The following MYO1B variants were observed in gnomAD, a reference collection of about 807,000 sequenced individuals.
MYO1B encodes the protein unconventional myosin-Ib.
Under a neutral mutation model 159.7 loss-of-function variants are expected in MYO1B, and 72 were observed. That is an observed-to-expected ratio of 0.45 (90% CI 0.37 to 0.55). The LOEUF is 0.55. Ranked by LOEUF, MYO1B falls within the 20% of genes least tolerant of loss-of-function variation. MYO1B has a pLI of 0.00. For synonymous variants in MYO1B, 468 were observed against 473.8 expected, an observed-to-expected ratio of 0.99 and a Z score of 0.16; for missense variants, 1,062 against 1,364.8, an observed-to-expected ratio of 0.78 and a Z score of 3.50.
At chr2:191,417,005 G>A (rs1405003078) in intron 30 of MYO1B, among the ~76,000 whole-genome samples, 1 of 152,224 alleles carries the variant, frequency 6.6e-6, no homozygotes, top group Non-Finnish European at 1.5e-5. Flanking sequence ...CTGAGTTACT[G>A]TGTTGATTAT....
At position 191,359,290 on chromosome 2, in the gene MYO1B, C is replaced by T. The variant is rs1241298568; in HGVS notation, c.563-1341C>T. ...CCTTTTTTCCCTAAGTTATATCCCACTTGTACTTTTCAACCTTTGGGGTTT... is the reference window on the plus strand; with the variant it reads ...CCTTTTTTCCCTAAGTTATATCCCATTTGTACTTTTCAACCTTTGGGGTTT... On this transcript the variant is annotated intron_variant, in intron 7 of 30. Coordinates refer to ENST00000392318, the MANE Select transcript of MYO1B (RefSeq NM_001130158.3). Among the ~76,000 whole-genome samples, 3 of 142,240 alleles carry T rather than the reference C, an allele frequency of 2.1e-5. No homozygotes were observed. In the East Asian group the frequency reaches 6.1e-4, roughly 29 times the overall value. 93.3% of individuals were successfully genotyped at this position (142,240 alleles called of 152,430 possible). A position where few individuals can be genotyped will look rare whatever the true frequency, so the allele number is the denominator to read the frequency against.
intron 20 of MYO1B, 130 bp from the exon 21 acceptor site, chr2:191,396,299 G>A: frequency 1.2e-6 from 1 of 855,982 alleles, no homozygotes; most frequent in Admixed American, 2.2e-5. Context: ...GTTTCTTTAT[G>A]TATTGGTTTC....
chr2:191,364,549 C>A (rs1166157951), intron 11 of MYO1B, among the ~76,000 whole-genome samples: 2 of 152,162 alleles, frequency 1.3e-5, no homozygotes, highest in Non-Finnish European at 2.9e-5. Context: ...CTGAGAGCAA[C>A]AGTAGAGCAG....
rs1574621643 is a variant in MYO1B, at chr2:191,402,777, T to C, written c.2556+59T>C. 8 of 1,299,656 alleles carry C rather than the reference T, an allele frequency of 6.2e-6. No individual in the cohort carries two copies. The East Asian group carries it at 1.9e-4, about 31-fold the overall frequency. 80.5% of individuals were successfully genotyped at this position (1,299,656 alleles called of 1,614,324 possible). ...GAACTTCATAAAGCCTAGCACCTAC[T>C]AACCCTGAGAAAATGATTGATTATG... On this transcript the variant is annotated intron_variant, in intron 24 of 30. Coordinates refer to ENST00000392318, the MANE Select transcript of MYO1B (RefSeq NM_001130158.3).
intron 1 of MYO1B, among the ~76,000 whole-genome samples, chr2:191,260,269 A>ATTTTTTTTTTTTTTTTTTTTTTTTTTTT (rs1574281122): frequency 1.5e-4 from 3 of 19,398 alleles, no homozygotes; most frequent in Admixed American, 1.4e-3. Flanking sequence ...TTTTTTTTTG[A>ATTTTTTTTTTTTTTTTTTTTTTTTTTTT]ATTAAAGCTA....
intron 3 of MYO1B, among the ~76,000 whole-genome samples, chr2:191,313,954 G>A (rs577084924): frequency 1.1e-4 from 17 of 152,212 alleles, no homozygotes; most frequent in Non-Finnish European, 2.1e-4. Flanking sequence ...TGCCCGGGAA[G>A]GGAGAATGGA....
At chr2:191,408,290 G>A in intron 25 of MYO1B, 101 bp downstream of exon 25, 1 of 752,142 alleles carries the variant, frequency 1.3e-6, no homozygotes, top group South Asian at 1.8e-5. Flanking sequence ...TGACAAAAGT[G>A]ACTTTTTAAA....
At chr2:191,300,655 T>TTTTTTTTTTTTTTTTTTG (rs61260117) in intron 3 of MYO1B, among the ~76,000 whole-genome samples, 1 of 145,136 alleles carries the variant, frequency 6.9e-6, no homozygotes, top group Non-Finnish European at 1.5e-5. Context: ...TTTTTTTTTT[T>TTTTTTTTTTTTTTTTTTG]AAGAGATGAG....
At chr2:191,374,792 T>C (rs1229153213) in intron 13 of MYO1B, among the ~76,000 whole-genome samples, 3 of 152,194 alleles carry the variant, frequency 2.0e-5, no homozygotes, top group Non-Finnish European at 4.4e-5. Flanking sequence ...GGAAGAAAAT[T>C]GTAATGCAAA....
At chr2:191,262,642 T>C (rs1410277344) in intron 1 of MYO1B, among the ~76,000 whole-genome samples, 1 of 146,360 alleles carries the variant, frequency 6.8e-6, no homozygotes, top group Admixed American at 6.8e-5. Context: ...TTCCCACCAC[T>C]CTAACACCTG....
intron 2 of MYO1B, among the ~76,000 whole-genome samples, chr2:191,281,544 C>T (rs1367021159): frequency 6.6e-6 from 1 of 152,186 alleles, no homozygotes; most frequent in African/African-American, 2.4e-5. Context: ...GTCAGACCTT[C>T]TTCCGGCCTC....
At position 191,252,549 on chromosome 2, in the gene MYO1B, G is replaced by C. The variant is rs114669097; in HGVS notation, c.-10+6923G>C. On this transcript the variant is annotated intron_variant, in intron 1 of 30. Coordinates refer to ENST00000392318, the MANE Select transcript of MYO1B (RefSeq NM_001130158.3). The stretch of plus-strand genomic sequence containing the variant: ...TTTAAAGATAGAACTTGATTATATT[G>C]GTATTTTTATTTCAAATTTTCAATT... Among the ~76,000 whole-genome samples the C allele has an allele frequency of 8.1e-3, 1,236 of 152,134 alleles. 17 individuals are homozygous for C. The highest frequency in any genetic ancestry group is 0.029 in the African/African-American group (1,185 of 41,486).
chr2:191,309,273 T>C (rs944136441), intron 3 of MYO1B, among the ~76,000 whole-genome samples: 1 of 152,102 alleles, frequency 6.6e-6, no homozygotes, highest in Admixed American at 6.6e-5. Context: ...TTTCCTTTTC[T>C]CCTATTGCAC....
At chr2:191,423,525 G>A (rs1333434520) in intron 30 of MYO1B, among the ~76,000 whole-genome samples, 9 of 152,058 alleles carry the variant, frequency 5.9e-5, no homozygotes, top group African/African-American at 1.2e-4. Flanking sequence ...GAATTTTTCC[G>A]CGCTTATGGG....
chr2:191,329,862 C>A (rs1328156333), intron 3 of MYO1B, 73 bp from the exon 4 acceptor site: 1 of 1,278,472 alleles, frequency 7.8e-7, no homozygotes, highest in Non-Finnish European at 1.1e-6. Context: ...CTTTAAGGAG[C>A]TTGTAGTTCC....
intron 9 of MYO1B, 140 bp downstream of exon 9, chr2:191,362,511 G>T: frequency 3.7e-6 from 2 of 541,124 alleles, no homozygotes; most frequent in Non-Finnish European, 6.3e-6. Context: ...TTCTATTTTT[G>T]TTACTTTGAT....
chr2:191,391,337 A>G (rs185458640), intron 18 of MYO1B, among the ~76,000 whole-genome samples: 1 of 152,312 alleles, frequency 6.6e-6, no homozygotes, highest in East Asian at 1.9e-4. Context: ...GGCCTTTCAC[A>G]GGAACATCAA....
chr2:191,342,323 C>G (rs1353752831), intron 5 of MYO1B, among the ~76,000 whole-genome samples: 1 of 152,220 alleles, frequency 6.6e-6, no homozygotes, highest in Non-Finnish European at 1.5e-5. Context: ...CCACATCTCA[C>G]CTTGATTCCT....
At chr2:191,298,915 C>A (rs1040818672) in intron 3 of MYO1B, among the ~76,000 whole-genome samples, 7 of 152,148 alleles carry the variant, frequency 4.6e-5, no homozygotes, top group African/African-American at 1.7e-4. Context: ...ATTTTCATGA[C>A]AGGGCCTCTT....
Sources: gnomAD v4.1 joint callset for allele counts (sites outside exome capture counted in the v4.1 genomes callset) on GRCh38, gnomAD v4.1.1 for gene constraint, MANE v1.5 for transcripts, NCBI Gene and HGNC (gene_info 2026-07-23, HGNC 2026-07-21) for gene names.